IQCM: variants seen among roughly 807,000 people sequenced by gnomAD.
The protein encoded by IQCM is IQ domain-containing protein M.
IQCM carries 45 observed loss-of-function variants against 57.6 expected under a neutral mutation model. That is an observed-to-expected ratio of 0.78 (90% CI 0.62 to 1.00). IQCM has a LOEUF of 1.00. Ranked by LOEUF, IQCM falls within the 50% of genes least tolerant of loss-of-function variation. The probability of loss-of-function intolerance (pLI) is 0.00; values close to 1 mark genes in which losing one functional copy is unlikely to be tolerated. For missense variants in IQCM, 468 were observed against 511.6 expected, an observed-to-expected ratio of 0.91 and a Z score of 0.82; for synonymous variants, 148 against 158.9, an observed-to-expected ratio of 0.93 and a Z score of 0.51.
At chr4:149,471,183 G>T (rs936267567) in intron 12 of IQCM, among the ~76,000 whole-genome samples, 3 of 152,180 alleles carry the variant, frequency 2.0e-5, no homozygotes, top group South Asian at 2.1e-4. Flanking sequence ...TCCAGGAGCT[G>T]GTTTTTTGAA....
intron 8 of IQCM, among the ~76,000 whole-genome samples, chr4:149,605,514 T>C (rs1754696513): frequency 6.6e-6 from 1 of 152,170 alleles, no homozygotes; most frequent in Admixed American, 6.5e-5. Flanking sequence ...GCTAAATAAA[T>C]TTTGCATGTA....
chr4:149,634,430 T>A (rs1757553755), intron 7 of IQCM, among the ~76,000 whole-genome samples: 1 of 152,202 alleles, frequency 6.6e-6, no homozygotes, highest in South Asian at 2.1e-4. Context: ...ACAAAAGGGA[T>A]TATGTTTTCT....
At chr4:149,601,219 AATC>A (rs79935959) in intron 8 of IQCM, among the ~76,000 whole-genome samples, 152,213 of 152,276 alleles carry the variant, frequency 1, 76,075 homozygotes, top group Middle Eastern at 1. Context: ...AGAAGATTAG[AATC>A]TTTCTAACAA....
chr4:149,503,362 A>T (rs1337791903), intron 12 of IQCM, among the ~76,000 whole-genome samples: 4 of 152,202 alleles, frequency 2.6e-5, no homozygotes, highest in Non-Finnish European at 5.9e-5. Flanking sequence ...ACACACGGCT[A>T]TACATAGCAG....
At chr4:149,665,556 CT>C (rs113262834) in intron 7 of IQCM, among the ~76,000 whole-genome samples, 6 of 152,262 alleles carry the variant, frequency 3.9e-5, no homozygotes, top group African/African-American at 1.4e-4. Flanking sequence ...ATGAAATATA[CT>C]TGTTTATTTG....
chr4:149,663,674 A>G (rs1760433532), intron 7 of IQCM, among the ~76,000 whole-genome samples: 1 of 151,684 alleles, frequency 6.6e-6, no homozygotes, highest in South Asian at 2.1e-4. Flanking sequence ...TCTAGCCTGG[A>G]TGGTTTTGGC....
intron 12 of IQCM, among the ~76,000 whole-genome samples, chr4:149,458,830 T>C (rs972034905): frequency 6.6e-6 from 1 of 152,198 alleles, no homozygotes; most frequent in African/African-American, 2.4e-5. Context: ...AAAAACTATT[T>C]AGTTTCCATT....
intron 7 of IQCM, among the ~76,000 whole-genome samples, chr4:149,652,555 G>T (rs1759284984): frequency 6.6e-6 from 1 of 151,978 alleles, no homozygotes; most frequent in Non-Finnish European, 1.5e-5. Flanking sequence ...CCAACAAAAA[G>T]GATATAAAAG....
chr4:149,457,953 A>G lies in IQCM; in HGVS notation c.1229-24396T>C, dbSNP rs138370780. Reference sequence around the variant, plus strand: ...ATAAATTAAGCACTGCTATATGCACATCAGTAAAGGTGATGCGAGAGGGGT... The same window carrying G: ...ATAAATTAAGCACTGCTATATGCACGTCAGTAAAGGTGATGCGAGAGGGGT... On this transcript the variant is annotated intron_variant, in intron 12 of 13. Coordinates refer to ENST00000636793, the MANE Select transcript of IQCM (RefSeq NM_001363507.2). Among the ~76,000 whole-genome samples the G allele has an allele frequency of 1.1e-4, 16 of 152,138 alleles. 1 individual carries two copies. Among genetic ancestry groups the G allele is most frequent in the Non-Finnish European group, 2.9e-5 (2 of 67,944 alleles).
At chr4:149,614,764 G>A (rs1755631775) in intron 8 of IQCM, among the ~76,000 whole-genome samples, 3 of 152,140 alleles carry the variant, frequency 2.0e-5, no homozygotes, top group Admixed American at 6.5e-5. Context: ...AGTGTTTTAA[G>A]AAAGTTTACA....
At chr4:149,562,301 A>G (rs1322500476) in intron 10 of IQCM, among the ~76,000 whole-genome samples, 3 of 152,204 alleles carry the variant, frequency 2.0e-5, no homozygotes, top group Non-Finnish European at 4.4e-5. Flanking sequence ...GTAAGGGTAG[A>G]TGAATGGAAG....
chr4:149,739,353 A>T (rs1371037006), intron 3 of IQCM, among the ~76,000 whole-genome samples: 1 of 152,116 alleles, frequency 6.6e-6, no homozygotes, highest in Admixed American at 6.6e-5. Context: ...CACTGTTACA[A>T]AACAGCACAG....
chr4:149,410,122 G>A (rs182423045), intron 13 of IQCM, among the ~76,000 whole-genome samples: 7 of 152,162 alleles, frequency 4.6e-5, no homozygotes, highest in Non-Finnish European at 1.0e-4. Context: ...GGCAGAGGTT[G>A]CAGTGAGCCG....
chr4:149,540,483 G>C (rs1747742146), intron 12 of IQCM, among the ~76,000 whole-genome samples: 1 of 151,796 alleles, frequency 6.6e-6, no homozygotes, highest in Admixed American at 6.6e-5. Context: ...CAGATCAGTG[G>C]TTGGTTGGGG....
At chr4:149,582,485 G>T (rs1420612773) in intron 9 of IQCM, among the ~76,000 whole-genome samples, 1 of 150,534 alleles carries the variant, frequency 6.6e-6, no homozygotes, top group African/African-American at 2.4e-5. Flanking sequence ...GCTTAAATCA[G>T]ACAACTCTCT....
At position 149,369,036 on chromosome 4, in the gene IQCM, G is replaced by GTA. The variant is rs1169870573; in HGVS notation, c.1391-16972_1391-16971dup. Among the ~76,000 whole-genome samples, 14 of 60,622 alleles carry GTA rather than the reference G, an allele frequency of 2.3e-4. 2 individuals are homozygous for GTA. Among genetic ancestry groups the GTA allele is most frequent in the Non-Finnish European group, 2.8e-4 (8 of 28,732 alleles). The allele number at this position is 60,622 out of a possible 152,430, so 39.8% of individuals were successfully genotyped here. ...CGTGTATATATATATATATACATGT[G>GTA]TATATATATATATGTATTTTTTTTT... On this transcript the variant is annotated intron_variant, in intron 13 of 13. Coordinates refer to ENST00000636793, the MANE Select transcript of IQCM (RefSeq NM_001363507.2).
At chr4:149,599,660 T>A (rs1459723917) in intron 8 of IQCM, among the ~76,000 whole-genome samples, 1 of 152,172 alleles carries the variant, frequency 6.6e-6, no homozygotes, top group Non-Finnish European at 1.5e-5. Flanking sequence ...CATATCACCC[T>A]GTGGTAATAC....
chr4:149,372,010 T>C (rs1730401462), intron 13 of IQCM, among the ~76,000 whole-genome samples: 1 of 152,202 alleles, frequency 6.6e-6, no homozygotes. Flanking sequence ...ATATCTGATA[T>C]TTGATTCTTC....
chr4:149,730,415 C>T (rs1293211964), intron 5 of IQCM, among the ~76,000 whole-genome samples: 3 of 152,158 alleles, frequency 2.0e-5, no homozygotes, highest in African/African-American at 2.4e-5. Flanking sequence ...ATTATCACTG[C>T]AACTTCTCTT....
Sources: gnomAD v4.1 joint callset for allele counts (sites outside exome capture counted in the v4.1 genomes callset) on GRCh38, gnomAD v4.1.1 for gene constraint, MANE v1.5 for transcripts, NCBI Gene and HGNC (gene_info 2026-07-23, HGNC 2026-07-21) for gene names.